The following ROCK2 variants were observed in gnomAD, a reference collection of about 807,000 sequenced individuals.
ROCK2 encodes the protein Rho associated coiled-coil containing protein kinase 2.
In ROCK2, 61 loss-of-function variants were observed where a neutral mutation model predicts 195.1. The observed-to-expected ratio is 0.31, with a 90% confidence interval of 0.25 to 0.39. The LOEUF is 0.39. ROCK2 is among the 10% of genes least tolerant of loss of function. The pLI, the probability that ROCK2 is intolerant of heterozygous loss-of-function variation, is 1.00. For synonymous variants in ROCK2, 504 were observed against 545.5 expected (o/e 0.92, Z 1.06); for missense variants, 1,109 against 1,637.4 (o/e 0.68, Z 5.57).
chr2:11,264,449 A>T (rs1235477004), intron 3 of ROCK2, among the ~76,000 whole-genome samples: 1 of 152,220 alleles, frequency 6.6e-6, no homozygotes, highest in East Asian at 1.9e-4. Context: ...AACTAGGTTG[A>T]TGCAAGAGCC....
In ROCK2 at chr2:11,265,940, A is replaced by G. The variant is rs879807448; in HGVS notation, c.325-16142T>C. ...GGGGACCTTGTTTCTACAAAAAAAA[A>G]AAAAAATTCAAAACTAGCCATGTAT... On this transcript the variant is annotated intron_variant, in intron 3 of 32. Transcript: ENST00000315872. Among the ~76,000 whole-genome samples the G allele has an allele frequency of 4.8e-3, 727 of 152,310 alleles. 28 individuals are homozygous for G. Among genetic ancestry groups the G allele is most frequent in the Admixed American group, 0.042 (642 of 15,294 alleles).
chr2:11,340,316 G>T (rs1163620275), intron 1 of ROCK2, among the ~76,000 whole-genome samples: 1 of 152,088 alleles, frequency 6.6e-6, no homozygotes, highest in East Asian at 1.9e-4. Context: ...ATTCTAATGT[G>T]AGATTAGGTC....
chr2:11,212,024 G>A (rs545808098), intron 17 of ROCK2, among the ~76,000 whole-genome samples, 184 bp from the exon 18 acceptor site: 23 of 151,112 alleles, frequency 1.5e-4, no homozygotes, highest in Middle Eastern at 6.8e-3. Flanking sequence ...CTCCCACCTT[G>A]GCCTCCAAAG....
At chr2:11,296,179 T>C (rs748090040) in intron 1 of ROCK2, among the ~76,000 whole-genome samples, 8 of 152,080 alleles carry the variant, frequency 5.3e-5, no homozygotes, top group Non-Finnish European at 1.2e-4. Context: ...GAGATGACAA[T>C]GGCCAACTAA....
intron 3 of ROCK2, among the ~76,000 whole-genome samples, chr2:11,266,720 G>A (rs1322927974): frequency 2.0e-5 from 3 of 152,086 alleles, no homozygotes; most frequent in Non-Finnish European, 2.9e-5. Context: ...ACTTTAAAAG[G>A]CTATGAAAGA....
intron 1 of ROCK2, among the ~76,000 whole-genome samples, chr2:11,311,004 G>A (rs1243642940): frequency 6.6e-6 from 1 of 150,790 alleles, no homozygotes; most frequent in Non-Finnish European, 1.5e-5. Flanking sequence ...GATTTCACCA[G>A]TAATATAGAT....
chr2:11,326,329 A>C (rs1429479198), intron 1 of ROCK2, among the ~76,000 whole-genome samples: 3 of 152,226 alleles, frequency 2.0e-5, no homozygotes. Context: ...CTGTCATAGA[A>C]GCCAACAGAA....
intron 4 of ROCK2, among the ~76,000 whole-genome samples, chr2:11,242,279 C>A (rs1665453531): frequency 6.6e-6 from 1 of 152,088 alleles, no homozygotes; most frequent in Non-Finnish European, 1.5e-5. Flanking sequence ...TTTTACTGAA[C>A]ACAAAAGGCC....
In ROCK2 at chr2:11,213,005, A is replaced by G. The variant is rs1005163658; in HGVS notation, c.2044-1165T>C. ...TTCTTTATTAACAGCATCACTATAT[A>G]TCTTGTCACAACCTACAAATCTGGG... On this transcript the variant is annotated intron_variant, in intron 17 of 32. Transcript: ENST00000315872. 8.5e-5 allele frequency among the ~76,000 whole-genome samples: 13 copies of G among 152,296 alleles called. No homozygotes were observed. In the East Asian group the frequency reaches 2.5e-3, roughly 29 times the overall value.
intron 4 of ROCK2, among the ~76,000 whole-genome samples, chr2:11,238,209 A>AGTGTGTGTGTGTGTGTGTAT (rs1553303929): frequency 3.0e-5 from 4 of 135,266 alleles, no homozygotes; most frequent in African/African-American, 1.2e-4. Context: ...ATTGAGAAAG[A>AGTGTGTGTGTGTGTGTGTAT]GTGTGTGTGT....
intron 3 of ROCK2, among the ~76,000 whole-genome samples, chr2:11,253,138 T>C (rs1665898144): frequency 6.6e-6 from 1 of 152,176 alleles, no homozygotes; most frequent in South Asian, 2.1e-4. Flanking sequence ...CCAGTTTTTG[T>C]ACAACAAATT....
Position 11,181,250 on chromosome 2 carries a change from A to G in ROCK2, c.*2187T>C, listed in dbSNP as rs1015820035. 1.3e-5 allele frequency: 2 copies of G among 149,088 alleles called. No individual in the cohort carries two copies. Among genetic ancestry groups the G allele is most frequent in the Non-Finnish European group, 3.0e-5 (2 of 67,348 alleles). The allele number at this position is 149,088 out of a possible 1,614,324, so 9.2% of individuals were successfully genotyped here. A position where few individuals can be genotyped will look rare whatever the true frequency, so the allele number is the denominator to read the frequency against. On this transcript the variant is annotated 3_prime_UTR_variant, in exon 33 of 33. Transcript: ENST00000315872. ...ATAGGATAGAACCTCCCATAATGTA[A>G]CAAAATCTTTATATAAAATATTAAT...
intron 3 of ROCK2, among the ~76,000 whole-genome samples, chr2:11,261,542 G>A (rs547998055): frequency 4.0e-4 from 61 of 152,312 alleles, no homozygotes; most frequent in Non-Finnish European, 6.8e-4. Flanking sequence ...GGATTTGCCG[G>A]GCTTGGTGGC....
intron 3 of ROCK2, among the ~76,000 whole-genome samples, chr2:11,285,638 G>A (rs2148191555): frequency 6.6e-6 from 1 of 152,064 alleles, no homozygotes; most frequent in South Asian, 2.1e-4. Flanking sequence ...ATCAGCCTCG[G>A]CAACATGGTG....
intron 1 of ROCK2, among the ~76,000 whole-genome samples, chr2:11,328,465 T>C (rs757216802): frequency 7.9e-5 from 12 of 152,224 alleles, no homozygotes; most frequent in Non-Finnish European, 1.5e-4. Flanking sequence ...AGTTAGCTTC[T>C]CACTGTATTC....
chr2:11,206,892 T>C (rs1040223670), intron 20 of ROCK2, among the ~76,000 whole-genome samples: 2 of 152,228 alleles, frequency 1.3e-5, no homozygotes, highest in African/African-American at 4.8e-5. Flanking sequence ...CCGATGTTGG[T>C]TAGTTGGTAA....
At chr2:11,256,908 G>A (rs1259991813) in intron 3 of ROCK2, among the ~76,000 whole-genome samples, 2 of 151,344 alleles carry the variant, frequency 1.3e-5, no homozygotes, top group Non-Finnish European at 2.9e-5. Context: ...CATGGTCTTA[G>A]TTTAGGTTGT....
At position 11,182,467 on chromosome 2, in the gene ROCK2, A is replaced by C. The variant is rs1253655033; in HGVS notation, c.*970T>G. On this transcript the variant is annotated 3_prime_UTR_variant, in exon 33 of 33. Coordinates refer to ENST00000315872, the MANE Select transcript of ROCK2 (RefSeq NM_004850.5). Reference sequence around the variant, plus strand: ...AAAGAGTTGAATGAATAATAGACAGACATCAAGGATATATTAGTTCCAACA... The same window carrying C: ...AAAGAGTTGAATGAATAATAGACAGCCATCAAGGATATATTAGTTCCAACA... 6.6e-6 allele frequency: 1 copy of C among 152,354 alleles called. No homozygotes were observed. Among genetic ancestry groups the C allele is most frequent in the South Asian group, 2.1e-4 (1 of 4,832 alleles). 9.4% of individuals were successfully genotyped at this position (152,354 alleles called of 1,614,324 possible). A position where few individuals can be genotyped will look rare whatever the true frequency, so the allele number is the denominator to read the frequency against.
chr2:11,185,299 A>T (rs1463704314), intron 32 of ROCK2, among the ~76,000 whole-genome samples: 2 of 152,260 alleles, frequency 1.3e-5, no homozygotes, highest in African/African-American at 4.8e-5. Context: ...ACTAGGGACA[A>T]GGGAAAAGCC....
Sources: gnomAD v4.1 joint callset for allele counts (sites outside exome capture counted in the v4.1 genomes callset) on GRCh38, gnomAD v4.1.1 for gene constraint, MANE v1.5 for transcripts, NCBI Gene and HGNC (gene_info 2026-07-23, HGNC 2026-07-21) for gene names.